GATA4: variants seen among roughly 807,000 people sequenced by gnomAD.
The protein encoded by GATA4 is GATA binding protein 4.
GATA4 carries 7 observed loss-of-function variants against 37.9 expected under a neutral mutation model. That is an observed-to-expected ratio of 0.18 (90% CI 0.11 to 0.35). The LOEUF is 0.35. GATA4 is among the 10% of genes least tolerant of loss of function. GATA4 has a pLI of 1.00. For missense variants in GATA4, 647 were observed against 653.0 expected, an observed-to-expected ratio of 0.99 and a Z score of 0.10; for synonymous variants, 372 against 292.6, an observed-to-expected ratio of 1.27 and a Z score of -2.77.
At chr8:11,746,457 C>G (rs776364858) in intron 2 of GATA4, among the ~76,000 whole-genome samples, 1 of 152,118 alleles carries the variant, frequency 6.6e-6, no homozygotes, top group African/African-American at 2.4e-5. Context: ...GCCTCTATGT[C>G]CAAGTGCGAT....
chr8:11,683,614 G>T (rs988321628), intron 1 of GATA4, among the ~76,000 whole-genome samples: 1 of 152,182 alleles, frequency 6.6e-6, no homozygotes, highest in African/African-American at 2.4e-5. Context: ...TGCGCTGGGC[G>T]TTATGCCTTG....
chr8:11,706,164 T>C (rs1799880759), intron 1 of GATA4: 1 of 152,238 alleles, frequency 6.6e-6, no homozygotes, highest in South Asian at 2.1e-4. Context: ...AGTTATTGCA[T>C]ATTTTGAAAG....
intron 2 of GATA4, among the ~76,000 whole-genome samples, chr8:11,712,868 A>G (rs1230300204): frequency 6.6e-6 from 1 of 152,168 alleles, no homozygotes; most frequent in Non-Finnish European, 1.5e-5. Context: ...TCTCAAAAAA[A>G]GAAAAAGAAA....
chr8:11,702,398 C>T (rs1030910903), upstream of GATA4, among the ~76,000 whole-genome samples: 6 of 151,926 alleles, frequency 3.9e-5, no homozygotes, highest in Admixed American at 3.9e-4. The surrounding 1 kb of genome is among the most constrained non-coding windows in gnomAD (Gnocchi z 4.4). Context: ...TCGCCCAAGC[C>T]CAGATTTTCC....
At chr8:11,724,978 T>A (rs771136071) in intron 2 of GATA4, among the ~76,000 whole-genome samples, 1 of 152,236 alleles carries the variant, frequency 6.6e-6, no homozygotes, top group African/African-American at 2.4e-5. Flanking sequence ...GTGCCCCTCA[T>A]GCCCGCAGTG....
Position 11,708,431 on chromosome 8 carries a change from C to T in GATA4, c.119C>T (p.Pro40Leu). Reference sequence around the variant, plus strand: ...GCCGCGTCCTCGCCAGTCTACGTGCCCACACCGCGGGTGCCCTCCTCCGTG... The same window carrying T: ...GCCGCGTCCTCGCCAGTCTACGTGCTCACACCGCGGGTGCCCTCCTCCGTG... ...AGAASSPVYV[P>L]TPRVPSSVLG... The change falls in exon 2 of 7, where the codon CCC (proline) becomes CTC (leucine). Residue 40 changes from proline (P) to leucine (L), a missense_variant. By Grantham distance (98) the Pro-to-Leu change is moderately conservative. Transcript: ENST00000532059. The surrounding 1 kb of genome is among the most constrained non-coding windows in gnomAD (Gnocchi z 6.7). 6.5e-7 allele frequency: 1 copy of T among 1,535,270 alleles called. No individual in the cohort carries two copies. The highest frequency in any genetic ancestry group is 8.7e-7 in the Non-Finnish European group (1 of 1,146,926).
chr8:11,751,401 TCACA>T (rs1802296103), intron 4 of GATA4, among the ~76,000 whole-genome samples: 1 of 152,204 alleles, frequency 6.6e-6, no homozygotes, highest in Non-Finnish European at 1.5e-5. Context: ...TAGAGATTGG[TCACA>T]TGGTCACATG....
chr8:11,747,104 A>G (rs188019499), intron 2 of GATA4, among the ~76,000 whole-genome samples: 86 of 152,216 alleles, frequency 5.6e-4, no homozygotes, highest in African/African-American at 2.0e-3. Flanking sequence ...TGTCCTCCCA[A>G]CTCAATAAAA....
chr8:11,756,994 G>C lies in GATA4; in HGVS notation c.1060G>C (p.Ala354Pro). Reference sequence around the variant, plus strand: ...CGGTGCTTCCAGCAACTCCAGCAACGCCACCACCAGCAGCAGCGAGGAGAT... The same window carrying C: ...CGGTGCTTCCAGCAACTCCAGCAACCCCACCACCAGCAGCAGCGAGGAGAT... ...ASGASSNSSNATTSSSEEMRP... is the reference protein window; with the variant it reads ...ASGASSNSSNPTTSSSEEMRP... Residue 354 changes from alanine (A) to proline (P), a missense_variant, in exon 6 of 7, where the codon GCC (alanine) becomes CCC (proline). Ala to Pro is a conservative substitution (Grantham distance 27). Coordinates refer to ENST00000532059, the MANE Select transcript of GATA4 (RefSeq NM_001308093.3). The C allele has an allele frequency of 6.2e-7, 1 of 1,614,222 alleles. No homozygotes were observed. Among genetic ancestry groups the C allele is most frequent in the South Asian group, 1.1e-5 (1 of 91,084 alleles).
chr8:11,702,173 C>A (rs1409155309), upstream of GATA4, among the ~76,000 whole-genome samples: 1 of 152,196 alleles, frequency 6.6e-6, no homozygotes, highest in Non-Finnish European at 1.5e-5. This position sits in a 1 kb window ranked among gnomAD's most constrained non-coding sequence, Gnocchi z 4.4. Flanking sequence ...AGGAGCGCCG[C>A]CTGTGTCCTT....
At chr8:11,678,012 AAATAATAATAAT>A (rs148395155) in intron 1 of GATA4, among the ~76,000 whole-genome samples, 39,856 of 141,790 alleles carry the variant, frequency 0.28, 5,979 homozygotes, top group East Asian at 0.6. Flanking sequence ...GGCTGAGTCA[AAATAATAATAAT>A]AATAATAATA....
chr8:11,694,884 C>G (rs1328331618), intron 1 of GATA4, among the ~76,000 whole-genome samples: 1 of 152,186 alleles, frequency 6.6e-6, no homozygotes. Context: ...ACACACCTCA[C>G]TTTTATTGAA....
upstream of GATA4, among the ~76,000 whole-genome samples, chr8:11,702,582 C>T (rs1799718743): frequency 6.8e-6 from 1 of 148,092 alleles, no homozygotes; most frequent in Non-Finnish European, 1.5e-5. This position sits in a 1 kb window ranked among gnomAD's most constrained non-coding sequence, Gnocchi z 4.4. Context: ...CGCTTTTCCG[C>T]AGCGCCGGCC....
upstream of GATA4, chr8:11,691,918 A>G: frequency 2.8e-6 from 2 of 717,860 alleles, no homozygotes; most frequent in Non-Finnish European, 3.4e-6. Flanking sequence ...GAGGGAAGAA[A>G]AAAAAAAAAT....
chr8:11,734,731 C>T (rs1801374180), intron 2 of GATA4, among the ~76,000 whole-genome samples: 1 of 152,124 alleles, frequency 6.6e-6, no homozygotes, highest in Non-Finnish European at 1.5e-5. Context: ...CTCAGGTGAT[C>T]CCCCTGCCTC....
At position 11,731,870 on chromosome 8, in the gene GATA4, C is replaced by T. The variant is rs536843024; in HGVS notation, c.617-17046C>T. 1.1e-4 allele frequency among the ~76,000 whole-genome samples: 17 copies of T among 152,284 alleles called. No homozygotes were observed. The Middle Eastern group carries it at 0.014, about 122-fold the overall frequency. On this transcript the variant is annotated intron_variant, in intron 2 of 6. Transcript: ENST00000532059. ...CTTCTTTGGCCAAAGGTGTAAGTAG[C>T]ATTGATGGACGATTAGGTAGAACTA...
chr8:11,720,510 G>T (rs991269573), intron 2 of GATA4, among the ~76,000 whole-genome samples: 1 of 152,080 alleles, frequency 6.6e-6, no homozygotes, highest in Non-Finnish European at 1.5e-5. Context: ...GTAAACTCGT[G>T]TCACGGGGAT....
In GATA4 at chr8:11,758,431, A is replaced by G. The variant is rs752714281; in HGVS notation, c.1288A>G (p.Ser430Gly). ...QTSSKQDSWN[S>G]LVLADSHGDI... is the part of the protein sequence containing the mutation. ...CAGCTCCAAGCAGGACTCTTGGAAC[A>G]GCCTGGTCTTGGCCGACAGTCACGG... The change falls in exon 7 of 7, where the codon AGC becomes GGC. Residue 430 changes from serine to glycine, a missense_variant. Physicochemically the swap from Ser to Gly is moderately conservative, Grantham distance 56 (BLOSUM62 0). This residue lies in a region of GATA4 where 184 missense variants were observed against 157.1 expected (regional missense o/e 1.17). Coordinates refer to ENST00000532059, the MANE Select transcript of GATA4 (RefSeq NM_001308093.3). 1 of 1,614,260 alleles carries G rather than the reference A, an allele frequency of 6.2e-7. No individual in the cohort carries two copies. The highest frequency in any genetic ancestry group is 8.5e-7 in the Non-Finnish European group (1 of 1,180,042).
chr8:11,701,173 G>A (rs949636538), upstream of GATA4, among the ~76,000 whole-genome samples: 2 of 148,728 alleles, frequency 1.3e-5, no homozygotes, highest in African/African-American at 2.5e-5. Context: ...AAAGAGTACA[G>A]TACACCTAAG....
Sources: gnomAD v4.1 joint callset for allele counts (sites outside exome capture counted in the v4.1 genomes callset) on GRCh38, gnomAD v4.1.1 for gene constraint, gnomAD v4.1.1 regional missense constraint, Gnocchi (gnomAD v3.1) non-coding constraint, MANE v1.5 for transcripts, NCBI Gene and HGNC (gene_info 2026-07-23, HGNC 2026-07-21) for gene names.